Variants in FHIP1A observed in about 807,000 individuals in gnomAD.
FHIP1A encodes the protein FHF complex subunit HOOK-interacting protein 1A.
In FHIP1A, 61 loss-of-function variants were observed where a neutral mutation model predicts 88.6. The ratio of observed to expected loss-of-function variants is 0.69; its 90% CI spans 0.56 to 0.85. The LOEUF is 0.85. FHIP1A is among the 40% of genes least tolerant of loss of function. The pLI is 0.00. For synonymous variants in FHIP1A, 478 were observed against 496.0 expected (o/e 0.96, Z 0.48); for missense variants, 1,154 against 1,273.5 (o/e 0.91, Z 1.43).
chr4:151,535,980 T>C (rs966703102), intron 3 of FHIP1A, among the ~76,000 whole-genome samples: 1 of 152,114 alleles, frequency 6.6e-6, no homozygotes, highest in Non-Finnish European at 1.5e-5. Context: ...AATGGAATTG[T>C]TGGATAAAAG....
At position 151,586,680 on chromosome 4, in the gene FHIP1A, C is replaced by A; in HGVS notation, c.772C>A (p.Pro258Thr). Residue 258 changes from proline (P) to threonine (T), a missense_variant, in exon 6 of 14, where the codon CCT becomes ACT. Pro to Thr is a conservative substitution (Grantham distance 38). Transcript: ENST00000435205. The stretch of plus-strand genomic sequence containing the variant: ...GCTCAGTGGTCTCTACTCTTCCCTG[C>A]CTACAAAGCTAGAAGAGAAAGGCGA... ...TGLSGLYSSL[P>T]TKLEEKGEEW... 6.4e-7 allele frequency: 1 copy of A among 1,550,900 alleles called. No homozygotes were observed. The highest frequency in any genetic ancestry group is 1.4e-5 in the African/African-American group (1 of 73,126).
intron 3 of FHIP1A, among the ~76,000 whole-genome samples, chr4:151,541,614 C>T (rs941575378): frequency 2.6e-5 from 4 of 152,262 alleles, no homozygotes; most frequent in African/African-American, 9.6e-5. Context: ...TCTGTGAGTA[C>T]ACATGATTTT....
chr4:151,484,779 G>A (rs1730019146), intron 3 of FHIP1A, among the ~76,000 whole-genome samples: 1 of 152,236 alleles, frequency 6.6e-6, no homozygotes, highest in Admixed American at 6.5e-5. Context: ...GATATTCTGA[G>A]CTGTTGAGAT....
At chr4:151,462,781 C>T (rs1450160374) in intron 2 of FHIP1A, among the ~76,000 whole-genome samples, 3 of 152,164 alleles carry the variant, frequency 2.0e-5, no homozygotes, top group Admixed American at 2.0e-4. Flanking sequence ...GCATTTTGGT[C>T]TGAACAGCAT....
At chr4:151,490,646 G>T (rs1730249628) in intron 3 of FHIP1A, among the ~76,000 whole-genome samples, 1 of 151,858 alleles carries the variant, frequency 6.6e-6, no homozygotes, top group South Asian at 2.1e-4. Flanking sequence ...AAACCAAGAA[G>T]AAATCTCTGA....
Position 151,666,253 on chromosome 4 carries a change from G to C in FHIP1A, c.*3499G>C, listed in dbSNP as rs149501373. Among the ~76,000 whole-genome samples the C allele has an allele frequency of 5.2e-4, 79 of 152,342 alleles. 1 individual carries two copies. The East Asian group carries it at 9.1e-3, about 17-fold the overall frequency. On this transcript the variant is annotated 3_prime_UTR_variant, in exon 14 of 14. Transcript: ENST00000435205. ...TCCCAACCATGAAATGGGAGTGCTG[G>C]AATAGCCAGTTAGAGATGTGATTTT...
intron 2 of FHIP1A, among the ~76,000 whole-genome samples, chr4:151,477,338 T>G (rs1729744370): frequency 6.6e-6 from 1 of 152,158 alleles, no homozygotes. Context: ...AGGTACTATT[T>G]GCAGCAGTAT....
chr4:151,504,610 ATGTTAT>A (rs1730766400), intron 3 of FHIP1A, among the ~76,000 whole-genome samples: 1 of 53,662 alleles, frequency 1.9e-5, no homozygotes, highest in Admixed American at 1.7e-4. Flanking sequence ...ATGTTATGTC[ATGTTAT>A]GTTATGTCAT....
chr4:151,421,985 A>G (rs866978762), intron 1 of FHIP1A, among the ~76,000 whole-genome samples: 15 of 152,024 alleles, frequency 9.9e-5, no homozygotes, highest in African/African-American at 3.6e-4. Flanking sequence ...TTGTTCTACT[A>G]GGGGATGCAA....
chr4:151,520,609 C>T (rs1297308926), intron 3 of FHIP1A, among the ~76,000 whole-genome samples: 2 of 152,068 alleles, frequency 1.3e-5, no homozygotes, highest in African/African-American at 4.8e-5. Context: ...AATTTATAAA[C>T]AAAATTCAAG....
chr4:151,443,687 G>C (rs368864713), intron 1 of FHIP1A, among the ~76,000 whole-genome samples: 2 of 96,242 alleles, frequency 2.1e-5, no homozygotes, highest in African/African-American at 6.3e-5. Context: ...GAAGCACTCT[G>C]TGTGTGTGTG....
At chr4:151,415,183 GTTTTTTTTTT>G (rs1168176245) in intron 1 of FHIP1A, among the ~76,000 whole-genome samples, 2 of 139,086 alleles carry the variant, frequency 1.4e-5, no homozygotes, top group Admixed American at 7.2e-5. Flanking sequence ...AGTTTTTTTG[GTTTTTTTTTT>G]TGTTTTTTTT....
chr4:151,519,114 CTTAA>C (rs1485134605), intron 3 of FHIP1A, among the ~76,000 whole-genome samples: 1 of 152,088 alleles, frequency 6.6e-6, no homozygotes. Context: ...ATGCGTACAT[CTTAA>C]TTATATATTT....
intron 1 of FHIP1A, among the ~76,000 whole-genome samples, chr4:151,444,324 T>G (rs1728515021): frequency 6.6e-6 from 1 of 152,152 alleles, no homozygotes; most frequent in Non-Finnish European, 1.5e-5. Flanking sequence ...AAAAATAACA[T>G]TTGAGTCTTG....
intron 7 of FHIP1A, among the ~76,000 whole-genome samples, chr4:151,620,143 G>A (rs1258218881): frequency 2.0e-5 from 3 of 152,122 alleles, no homozygotes; most frequent in Non-Finnish European, 4.4e-5. Flanking sequence ...TATTGGAAAG[G>A]CACAAGCTTT....
Position 151,577,858 on chromosome 4 carries a change from A to C in FHIP1A, c.514A>C (p.Ile172Leu), listed in dbSNP as rs1733860618. 1.3e-6 allele frequency: 2 copies of C among 1,551,838 alleles called. No homozygotes were observed. Among genetic ancestry groups the C allele is most frequent in the Non-Finnish European group, 1.7e-6 (2 of 1,147,058 alleles). Reference protein sequence around the residue: ...LVVLLNQLCSILAKDPSILEL... With the variant: ...LVVLLNQLCSLLAKDPSILEL... The stretch of plus-strand genomic sequence containing the variant: ...TGTCCTACTCAATCAGCTCTGTTCC[A>C]TTCTTGCCAAAGATCCATCCATTTT... The change falls in exon 5 of 14, where the codon ATT (isoleucine) becomes CTT (leucine). Residue 172 changes from isoleucine to leucine, a missense_variant. Transcript: ENST00000435205.
intron 1 of FHIP1A, among the ~76,000 whole-genome samples, chr4:151,451,193 A>G (rs1728776775): frequency 6.6e-6 from 1 of 151,812 alleles, no homozygotes; most frequent in African/African-American, 2.4e-5. Flanking sequence ...GGGGGTTTTC[A>G]TCTTTTTCTT....
At chr4:151,573,962 G>A (rs1733691620) in intron 4 of FHIP1A, among the ~76,000 whole-genome samples, 1 of 152,210 alleles carries the variant, frequency 6.6e-6, no homozygotes, top group Non-Finnish European at 1.5e-5. Context: ...GCATTTCAGT[G>A]CAAATTGTGC....
In FHIP1A at chr4:151,666,218, A is replaced by G. The variant is rs1737660808; in HGVS notation, c.*3464A>G. ...CTAAAACATAATTTCATGGGTGGTA[A>G]AATACAATTTCCCAACCATGAAATG... On this transcript the variant is annotated 3_prime_UTR_variant, in exon 14 of 14. Transcript: ENST00000435205. 6.6e-6 allele frequency among the ~76,000 whole-genome samples: 1 copy of G among 152,256 alleles called. No homozygotes were observed. The highest frequency in any genetic ancestry group is 1.5e-5 in the Non-Finnish European group (1 of 68,052).
Sources: allele counts gnomAD v4.1 joint callset (sites outside exome capture counted in the v4.1 genomes callset), GRCh38; gene constraint gnomAD v4.1.1; transcripts MANE v1.5; gene names NCBI Gene and HGNC (gene_info 2026-07-23, HGNC 2026-07-21).